The following EZH2 variants were observed in gnomAD, a reference collection of about 807,000 sequenced individuals.
The protein encoded by EZH2 is histone-lysine N-methyltransferase EZH2.
In EZH2, 18 loss-of-function variants were observed where a neutral mutation model predicts 98.4. The observed-to-expected ratio is 0.18, with a 90% CI of 0.13 to 0.27. The LOEUF (loss-of-function observed/expected upper bound fraction) is 0.27. EZH2 is among the 10% of genes least tolerant of loss of function. The pLI is 1.00. For synonymous variants in EZH2, 338 were observed against 312.3 expected (o/e 1.08, Z -0.87); for missense variants, 470 against 935.1 (o/e 0.50, Z 6.49).
At chr7:148,878,680 CTT>C (rs1244912084) in intron 1 of EZH2, among the ~76,000 whole-genome samples, 2 of 151,618 alleles carry the variant, frequency 1.3e-5, no homozygotes, top group Non-Finnish European at 2.9e-5. Flanking sequence ...AGGTGGATCT[CTT>C]GAGTTCAGGA....
chr7:148,875,083 TGAA>T (rs1554427909), intron 1 of EZH2, among the ~76,000 whole-genome samples: 5 of 152,062 alleles, frequency 3.3e-5, no homozygotes, highest in Non-Finnish European at 7.4e-5. Context: ...TTATGCAAAA[TGAA>T]GAGAATTACT....
chr7:148,827,560 C>G (rs561624683), intron 6 of EZH2, among the ~76,000 whole-genome samples: 49 of 152,272 alleles, frequency 3.2e-4, no homozygotes, highest in Non-Finnish European at 3.8e-4. Context: ...ATCACTTTAC[C>G]TCTTGGGTCT....
chr7:148,847,352 AAT>A, intron 1 of EZH2, 47 bp from the exon 2 acceptor site: 3 of 1,605,752 alleles, frequency 1.9e-6, no homozygotes, highest in Non-Finnish European at 2.5e-6. Flanking sequence ...AACCAGCCTG[AAT>A]ATGATCACCT....
At chr7:148,825,020 T>G (rs1807295536) in intron 8 of EZH2, among the ~76,000 whole-genome samples, 1 of 152,206 alleles carries the variant, frequency 6.6e-6, no homozygotes, top group Non-Finnish European at 1.5e-5. Context: ...ACTTGTAATG[T>G]TTAAAAGTAG....
chr7:148,852,854 A>G (rs987903011), intron 1 of EZH2, among the ~76,000 whole-genome samples: 1 of 152,184 alleles, frequency 6.6e-6, no homozygotes. Context: ...TACTGAGACC[A>G]TATATACAGT....
At position 148,844,568 on chromosome 7, in the gene EZH2, A is replaced by G. The variant is rs977126600; in HGVS notation, c.246+1902T>C. Reference sequence around the variant, plus strand: ...GATTATTTTCCTCCTTTTCCCCCATACTCTGTGAAAATGTTTATTCTCAAT... The same window carrying G: ...GATTATTTTCCTCCTTTTCCCCCATGCTCTGTGAAAATGTTTATTCTCAAT... On this transcript the variant is annotated intron_variant, in intron 3 of 19. Coordinates refer to ENST00000320356, the MANE Select transcript of EZH2 (RefSeq NM_004456.5). 3.3e-5 allele frequency among the ~76,000 whole-genome samples: 5 copies of G among 152,130 alleles called. No individual in the cohort carries two copies. In the East Asian group the frequency reaches 5.8e-4, roughly 18 times the overall value.
chr7:148,871,221 G>A (rs1315466913), intron 1 of EZH2, among the ~76,000 whole-genome samples: 5 of 151,894 alleles, frequency 3.3e-5, no homozygotes, highest in African/African-American at 4.8e-5. Context: ...CAGAGACATC[G>A]AAACCTTTGT....
intron 15 of EZH2, among the ~76,000 whole-genome samples, chr7:148,813,347 T>C (rs1359427691): frequency 6.6e-6 from 1 of 150,524 alleles, no homozygotes; most frequent in Non-Finnish European, 1.5e-5. Flanking sequence ...AAAAAAAAGA[T>C]ACGAAATTTC....
chr7:148,810,180 C>G (rs1259183644), intron 17 of EZH2, 153 bp downstream of exon 17: 3 of 519,422 alleles, frequency 5.8e-6, no homozygotes, highest in African/African-American at 5.6e-5. Context: ...TTCCTTGCTC[C>G]AGTTCCTTTC....
At position 148,869,258 on chromosome 7, in the gene EZH2, T is replaced by C. The variant is rs370272230; in HGVS notation, c.-8+14906A>G. On this transcript the variant is annotated intron_variant, in intron 1 of 19. Coordinates refer to ENST00000320356, the MANE Select transcript of EZH2 (RefSeq NM_004456.5). ...ATGGTAATCAAACTCTCCAAAGAAATAGTTTGACCTGGGTAACAGAAACCA... is the reference window on the plus strand; with the variant it reads ...ATGGTAATCAAACTCTCCAAAGAAACAGTTTGACCTGGGTAACAGAAACCA... Among the ~76,000 whole-genome samples the C allele has an allele frequency of 4.0e-5, 6 of 151,122 alleles. No individual in the cohort carries two copies. In the East Asian group the frequency reaches 5.8e-4, roughly 15 times the overall value.
intron 10 of EZH2, 194 bp downstream of exon 10, chr7:148,817,683 G>C (rs1804933339): frequency 1.0e-5 from 8 of 784,156 alleles, no homozygotes; most frequent in South Asian, 7.1e-5. Flanking sequence ...CAACCAAGCA[G>C]GGCAAACACC....
At chr7:148,847,990 A>G (rs1814616749) in intron 1 of EZH2, among the ~76,000 whole-genome samples, 2 of 152,238 alleles carry the variant, frequency 1.3e-5, no homozygotes, top group South Asian at 2.1e-4. Flanking sequence ...AGAACCAATT[A>G]TGTTTAAATG....
chr7:148,824,189 C>CCAAAATTAG (rs1807001699), intron 8 of EZH2, among the ~76,000 whole-genome samples: 1 of 152,090 alleles, frequency 6.6e-6, no homozygotes, highest in Non-Finnish European at 1.5e-5. Flanking sequence ...GTGGCGGGCG[C>CCAAAATTAG]CTGTAATCCC....
intron 8 of EZH2, among the ~76,000 whole-genome samples, chr7:148,823,406 A>T (rs1354615314): frequency 1.3e-5 from 2 of 152,206 alleles, no homozygotes; most frequent in Non-Finnish European, 2.9e-5. Context: ...ATACAGATAA[A>T]GCTAATAGCT....
intron 8 of EZH2, among the ~76,000 whole-genome samples, chr7:148,824,074 G>A (rs892022364): frequency 5.9e-5 from 9 of 151,954 alleles, no homozygotes; most frequent in African/African-American, 2.2e-4. Context: ...CAACACTTTG[G>A]GAGGCCAGGG....
In EZH2 at chr7:148,857,018, T is replaced by C. The variant is rs183869950; in HGVS notation, c.-7-9713A>G. ...TGAAAAAAAACCATAACCATTAACATGAGCAATGGTAAGTACTGCTGTCAT... is the reference window on the plus strand; with the variant it reads ...TGAAAAAAAACCATAACCATTAACACGAGCAATGGTAAGTACTGCTGTCAT... On this transcript the variant is annotated intron_variant, in intron 1 of 19. Coordinates refer to ENST00000320356, the MANE Select transcript of EZH2 (RefSeq NM_004456.5). Among the ~76,000 whole-genome samples the C allele has an allele frequency of 1.2e-3, 182 of 152,326 alleles. 1 individual carries two copies. In the Middle Eastern group the frequency reaches 0.017, roughly 14 times the overall value.
intron 3 of EZH2, among the ~76,000 whole-genome samples, chr7:148,835,875 G>A (rs1229992076): frequency 2.0e-5 from 3 of 152,162 alleles, no homozygotes; most frequent in Non-Finnish European, 4.4e-5. Flanking sequence ...GGTTGCTCTA[G>A]TGATACAGCA....
chr7:148,869,767 G>T (rs1819069681), intron 1 of EZH2, among the ~76,000 whole-genome samples: 2 of 152,190 alleles, frequency 1.3e-5, no homozygotes, highest in South Asian at 4.1e-4. Context: ...GTAAACACAA[G>T]TTGTTCCATT....
chr7:148,826,402 C>T (rs556836623), intron 8 of EZH2, 52 bp downstream of exon 8: 4 of 1,405,586 alleles, frequency 2.8e-6, no homozygotes, highest in South Asian at 1.8e-5. Context: ...TAGCACTCTC[C>T]AAGCTGCTTT....
Sources: allele counts gnomAD v4.1 joint callset (sites outside exome capture counted in the v4.1 genomes callset), GRCh38; gene constraint gnomAD v4.1.1; transcripts MANE v1.5; gene names NCBI Gene and HGNC (gene_info 2026-07-23, HGNC 2026-07-21).